Variants in PCDHGA2 observed in about 807,000 individuals in gnomAD.
The protein encoded by PCDHGA2 is protocadherin gamma subfamily A, 2, also known as protocadherin gamma-A2.
In PCDHGA2, 40 loss-of-function variants were observed where a neutral mutation model predicts 59.2. The observed-to-expected ratio is 0.68, with a 90% CI of 0.52 to 0.88. The LOEUF is 0.88. Among genes scored for constraint, PCDHGA2 ranks in the 40% least tolerant of loss-of-function variants. PCDHGA2 has a pLI of 0.00. For missense variants in PCDHGA2, 1,226 were observed against 1,204.0 expected, an observed-to-expected ratio of 1.02 and a Z score of -0.27; for synonymous variants, 560 against 526.0, an observed-to-expected ratio of 1.06 and a Z score of -0.89.
At chr5:141,422,375 T>G (rs2096644332) in intron 1 of PCDHGA2, 3 of 1,570,696 alleles carry the variant, frequency 1.9e-6, no homozygotes, top group Admixed American at 1.9e-5. Flanking sequence ...AATGGTCAAG[T>G]CTCCTGTTTT....
At position 141,476,749 on chromosome 5, in the gene PCDHGA2, G is replaced by C; in HGVS notation, c.2425-18058G>C. On this transcript the variant is annotated intron_variant, in intron 1 of 3. Transcript: ENST00000394576. The surrounding 1 kb of genome is among the most constrained non-coding windows in gnomAD (Gnocchi z 7.6). ...ACCGAGAACGGGAGCCTAGTCTCCA[G>C]TTAGTGCTGACGGCGTTGGACGGAG... is the stretch of plus-strand genomic sequence containing the variant. 1.9e-6 allele frequency: 3 copies of C among 1,614,042 alleles called. No homozygotes were observed. The highest frequency in any genetic ancestry group is 2.5e-6 in the Non-Finnish European group (3 of 1,180,038).
At chr5:141,362,524 G>A (rs748249722) in intron 1 of PCDHGA2, 1 of 1,613,964 alleles carries the variant, frequency 6.2e-7, no homozygotes, top group Non-Finnish European at 8.5e-7. Context: ...TGGAGCCGCT[G>A]GGGTCCCTTT....
At chr5:141,406,025 G>A (rs1367856742) in intron 1 of PCDHGA2, among the ~76,000 whole-genome samples, 1 of 151,502 alleles carries the variant, frequency 6.6e-6, no homozygotes, top group Non-Finnish European at 1.5e-5. Flanking sequence ...TTTTGGGTAG[G>A]GTTGCTTCAT....
rs977174958 is a variant in PCDHGA2, at chr5:141,394,524, G to C, written c.2424+53129G>C. 3.7e-6 allele frequency: 6 copies of C among 1,614,096 alleles called. No homozygotes were observed. The African/African-American group carries it at 6.7e-5, about 18-fold the overall frequency. ...CCTGTACCCCGCCCTCCCCACAGAC[G>C]GTTCCACTGGCGTGGAGCTGGCGCC... On this transcript the variant is annotated intron_variant, in intron 1 of 3. Coordinates refer to ENST00000394576, the MANE Select transcript of PCDHGA2 (RefSeq NM_018915.4).
chr5:141,375,676 G>A, intron 1 of PCDHGA2: 1 of 1,614,220 alleles, frequency 6.2e-7, no homozygotes, highest in Middle Eastern at 1.6e-4. Flanking sequence ...TACAGCTGTG[G>A]GTGACAGCCA....
rs1230185523 is a variant in PCDHGA2, at chr5:141,413,155, G to C, written c.2424+71760G>C. 10 of 1,576,552 alleles carry C rather than the reference G, an allele frequency of 6.3e-6. No individual in the cohort carries two copies. The South Asian group carries it at 1.2e-4, about 18-fold the overall frequency. ...CAACGTGTCCAGTGAGGACTTTGCA[G>C]AATTCTGTAACCAGACTACAATGGC... On this transcript the variant is annotated intron_variant, in intron 1 of 3. Coordinates refer to ENST00000394576, the MANE Select transcript of PCDHGA2 (RefSeq NM_018915.4).
intron 1 of PCDHGA2, chr5:141,344,055 C>T (rs771975299): frequency 5.8e-6 from 9 of 1,558,224 alleles, no homozygotes; most frequent in African/African-American, 1.4e-5. Flanking sequence ...CCTGAGTTTC[C>T]GAAATGGCAG....
At chr5:141,403,901 A>G in intron 1 of PCDHGA2, 3 of 1,613,926 alleles carry the variant, frequency 1.9e-6, no homozygotes, top group Non-Finnish European at 2.5e-6. Context: ...ATTTTATGAA[A>G]TGGAAATACA....
intron 1 of PCDHGA2, chr5:141,398,825 C>A (rs747230922): frequency 6.2e-7 from 1 of 1,613,994 alleles, no homozygotes; most frequent in South Asian, 1.1e-5. Flanking sequence ...ATCCAGGTAA[C>A]CGACGCCAAT....
intron 2 of PCDHGA2, among the ~76,000 whole-genome samples, chr5:141,499,384 A>G (rs2099791576): frequency 6.6e-6 from 1 of 152,200 alleles, no homozygotes. Context: ...TTTTCCACTT[A>G]TAAAATAGTA....
chr5:141,414,060 G>C (rs769101242), intron 1 of PCDHGA2: 1 of 1,609,304 alleles, frequency 6.2e-7, no homozygotes, highest in South Asian at 1.1e-5. Flanking sequence ...AATTGTTGAA[G>C]TTCCAACTAA....
At chr5:141,446,339 G>A (rs1455819111) in intron 1 of PCDHGA2, among the ~76,000 whole-genome samples, 1 of 152,164 alleles carries the variant, frequency 6.6e-6, no homozygotes, top group Non-Finnish European at 1.5e-5. Flanking sequence ...GAACTGGATG[G>A]ACAAAGCTAC....
chr5:141,357,585 G>C lies in PCDHGA2; in HGVS notation c.2424+16190G>C, dbSNP rs778650217. ...AAAGCGAGCCTCTTCTGATAACTCA[G>C]GATTTACTTGAAACAAAAGGAGACC... On this transcript the variant is annotated intron_variant, in intron 1 of 3. Transcript: ENST00000394576. 7.4e-6 allele frequency: 12 copies of C among 1,614,146 alleles called. No individual in the cohort carries two copies. In the South Asian group the frequency reaches 7.7e-5, roughly 10 times the overall value.
chr5:141,429,048 G>A (rs2097180589), intron 1 of PCDHGA2: 5 of 152,064 alleles, frequency 3.3e-5, no homozygotes, highest in Admixed American at 3.3e-4. Context: ...TACAGACGGG[G>A]TTTCACCGTG....
intron 1 of PCDHGA2, chr5:141,415,466 C>T (rs1187128064): frequency 6.2e-7 from 1 of 1,614,224 alleles, no homozygotes. Flanking sequence ...GTCTCTCTCA[C>T]CGCGGACTCG....
At chr5:141,393,277 C>T (rs749579658) in intron 1 of PCDHGA2, 4 of 1,613,844 alleles carry the variant, frequency 2.5e-6, no homozygotes, top group Non-Finnish European at 3.4e-6. Flanking sequence ...TATCCACTCC[C>T]AGAAGCTGTT....
intron 2 of PCDHGA2, among the ~76,000 whole-genome samples, chr5:141,501,075 A>C (rs980856799): frequency 6.6e-6 from 1 of 151,366 alleles, no homozygotes; most frequent in African/African-American, 2.4e-5. Context: ...CACCATGTTG[A>C]CCAGGATGGT....
In PCDHGA2 at chr5:141,432,011, TACA is replaced by T. The variant is rs1296391274; in HGVS notation, c.2425-62792_2425-62790del. 2 of 1,614,202 alleles carry T rather than the reference TACA, an allele frequency of 1.2e-6. No homozygotes were observed. Among genetic ancestry groups the T allele is most frequent in the South Asian group, 2.2e-5 (2 of 91,084 alleles). On this transcript the variant is annotated intron_variant, in intron 1 of 3. Transcript: ENST00000394576. This position sits in a 1 kb window ranked among gnomAD's most constrained non-coding sequence, Gnocchi z 6.0. The stretch of plus-strand genomic sequence containing the variant: ...CTTGGATAGGGAACAGGTTCCTAGC[TACA>T]ACATCACAGTGACCGCCACTGACCG...
chr5:141,400,254 G>T, intron 1 of PCDHGA2: 1 of 1,613,980 alleles, frequency 6.2e-7, no homozygotes, highest in Non-Finnish European at 8.5e-7. Flanking sequence ...CCGTTGCCTT[G>T]CGCCTGCGAC....
Sources: allele counts gnomAD v4.1 joint callset (sites outside exome capture counted in the v4.1 genomes callset), GRCh38; gene constraint gnomAD v4.1.1; non-coding constraint Gnocchi (gnomAD v3.1); transcripts MANE v1.5; gene names NCBI Gene and HGNC (gene_info 2026-07-23, HGNC 2026-07-21).